KCNJ6: variants seen among roughly 807,000 people sequenced by gnomAD.
The protein encoded by KCNJ6 is potassium inwardly rectifying channel subfamily J member 6.
KCNJ6 carries 9 observed loss-of-function variants against 34.2 expected under a neutral mutation model. The observed-to-expected ratio is 0.26, with a 90% confidence interval of 0.16 to 0.46. The LOEUF (loss-of-function observed/expected upper bound fraction) is 0.46, where lower values mean the gene tolerates loss of function less well. KCNJ6 is among the 20% of genes least tolerant of loss of function. The probability of loss-of-function intolerance (pLI) is 1.00; values close to 1 mark genes in which losing one functional copy is unlikely to be tolerated. For synonymous variants in KCNJ6, 196 were observed against 207.1 expected, an observed-to-expected ratio of 0.95 and a Z score of 0.46; for missense variants, 236 against 531.3, an observed-to-expected ratio of 0.44 and a Z score of 5.46.
chr21:37,715,402 G>C (rs2054785228), intron 2 of KCNJ6, among the ~76,000 whole-genome samples: 1 of 152,204 alleles, frequency 6.6e-6, no homozygotes, highest in Admixed American at 6.5e-5. Context: ...CCTGCCAGCA[G>C]GTTCTACTGA....
At chr21:37,782,909 GGTTGCCCC>G (rs1236491223) in intron 2 of KCNJ6, among the ~76,000 whole-genome samples, 2 of 152,082 alleles carry the variant, frequency 1.3e-5, no homozygotes, top group African/African-American at 4.8e-5. Flanking sequence ...TAAATTACAT[GGTTGCCCC>G]ATCTTGACTC....
At chr21:37,753,651 CA>C (rs923552935) in intron 2 of KCNJ6, among the ~76,000 whole-genome samples, 1 of 152,304 alleles carries the variant, frequency 6.6e-6, no homozygotes, top group Admixed American at 6.5e-5. Context: ...GTTAAAAAAG[CA>C]TGCATTTGGA....
At chr21:37,698,143 G>A (rs1422274060) in intron 3 of KCNJ6, among the ~76,000 whole-genome samples, 1 of 152,218 alleles carries the variant, frequency 6.6e-6, no homozygotes, top group East Asian at 1.9e-4. Context: ...CGGGATCTCT[G>A]CTTTTGAACA....
rs144704524 is a variant in KCNJ6 at position 37,626,313 on chromosome 21, T to C, written c.947-829A>G. ...GTCCGACTAATTTTTTTTTGTATTT[T>C]AGTAGAGACGGAGTTTCATCGTGTT... On this transcript the variant is annotated intron_variant, in intron 3 of 3. Transcript: ENST00000609713. 3.5e-3 allele frequency among the ~76,000 whole-genome samples: 530 copies of C among 152,180 alleles called. 4 individuals carry two copies. The highest frequency in any genetic ancestry group is 0.012 in the African/African-American group (498 of 41,538).
intron 3 of KCNJ6, among the ~76,000 whole-genome samples, chr21:37,632,930 A>G (rs1326365317): frequency 6.6e-6 from 1 of 152,152 alleles, no homozygotes; most frequent in East Asian, 1.9e-4. Context: ...AAATCATGAT[A>G]ATTTTACATA....
chr21:37,872,585 A>G (rs189576345), intron 1 of KCNJ6, among the ~76,000 whole-genome samples: 2 of 152,256 alleles, frequency 1.3e-5, no homozygotes, highest in African/African-American at 4.8e-5. Flanking sequence ...TCTGATCATA[A>G]CTTTGCTCCC....
rs537184853 is a variant in KCNJ6 at position 37,646,875 on chromosome 21, G to A, written c.947-21391C>T. On this transcript the variant is annotated intron_variant, in intron 3 of 3. Transcript: ENST00000609713. ...TTTTAGTAGAGACGGGGTTTCACACGTGTTAGCCAAGACTGTCTCCATCTC... is the reference window on the plus strand; with the variant it reads ...TTTTAGTAGAGACGGGGTTTCACACATGTTAGCCAAGACTGTCTCCATCTC... 7.2e-5 allele frequency among the ~76,000 whole-genome samples: 11 copies of A among 152,084 alleles called. 1 individual carries two copies. The highest frequency in any genetic ancestry group is 1.9e-4 in the East Asian group (1 of 5,168).
At chr21:37,878,665 T>G (rs897483170) in intron 1 of KCNJ6, among the ~76,000 whole-genome samples, 1 of 152,340 alleles carries the variant, frequency 6.6e-6, no homozygotes, top group Middle Eastern at 3.4e-3. Flanking sequence ...TTTGCCCGGT[T>G]GAAATTTGAT....
chr21:37,880,184 G>A (rs1310232033), intron 1 of KCNJ6, among the ~76,000 whole-genome samples: 1 of 152,152 alleles, frequency 6.6e-6, no homozygotes, highest in African/African-American at 2.4e-5. Flanking sequence ...GACTGAGGCA[G>A]GAGAATTGCT....
chr21:37,902,939 G>T (rs2055823857), intron 1 of KCNJ6, among the ~76,000 whole-genome samples: 1 of 152,130 alleles, frequency 6.6e-6, no homozygotes, highest in South Asian at 2.1e-4. Context: ...CAATGCCAGG[G>T]TGTGAGAACC....
At chr21:37,800,666 T>C (rs1410064275) in intron 2 of KCNJ6, among the ~76,000 whole-genome samples, 1 of 152,202 alleles carries the variant, frequency 6.6e-6, no homozygotes, top group Admixed American at 6.5e-5. Flanking sequence ...GGGCCGCTGA[T>C]AACCCTTGAT....
chr21:37,887,089 GCTCAGCTATGGT>G, intron 1 of KCNJ6, among the ~76,000 whole-genome samples: 1 of 152,188 alleles, frequency 6.6e-6, no homozygotes, highest in Non-Finnish European at 1.5e-5. Context: ...TGCTTGGGAA[GCTCAGCTATGGT>G]CTCCTGGTGA....
intron 3 of KCNJ6, among the ~76,000 whole-genome samples, chr21:37,688,894 A>G (rs773517676): frequency 6.6e-5 from 10 of 152,226 alleles, no homozygotes; most frequent in Non-Finnish European, 1.3e-4. Context: ...AGAGGGGATG[A>G]TGGCAGTCAA....
In KCNJ6 at chr21:37,620,470, T is replaced by TC. The variant is rs200758556; in HGVS notation, c.*4688dup. The TC allele has an allele frequency of 2.0e-5, 3 of 152,242 alleles. No homozygotes were observed. The highest frequency in any genetic ancestry group is 1.9e-4 in the East Asian group (1 of 5,186). 9.4% of individuals were successfully genotyped at this position (152,242 alleles called of 1,614,324 possible). On this transcript the variant is annotated 3_prime_UTR_variant, in exon 4 of 4. Coordinates refer to ENST00000609713, the MANE Select transcript of KCNJ6 (RefSeq NM_002240.5). ...CAAAATATTCTTCTTTTCTTTTTTT[T>TC]CCCCCAATTATTAAAAAATGTAAAA...
intron 1 of KCNJ6, among the ~76,000 whole-genome samples, chr21:37,882,889 GT>G (rs1372197394): frequency 6.6e-6 from 1 of 152,276 alleles, no homozygotes; most frequent in African/African-American, 2.4e-5. Flanking sequence ...CATAGGGCTT[GT>G]GTGTGCGTGA....
rs2054321416 is a variant in KCNJ6 at position 37,628,731 on chromosome 21, GACACATCATAATC to G, written c.947-3260_947-3248del. Among the ~76,000 whole-genome samples, 11 of 152,276 alleles carry G rather than the reference GACACATCATAATC, an allele frequency of 7.2e-5. No individual in the cohort carries two copies. In the South Asian group the frequency reaches 2.1e-3, roughly 29 times the overall value. On this transcript the variant is annotated intron_variant, in intron 3 of 3. Transcript: ENST00000609713. ...GTGAACCCAAAGAGATTCACACTGA[GACACATCATAATC>G]AAACTGTTGAAACATGACGATGAAG...
chr21:37,754,167 A>G (rs2055011778), intron 2 of KCNJ6, among the ~76,000 whole-genome samples: 1 of 152,206 alleles, frequency 6.6e-6, no homozygotes, highest in Non-Finnish European at 1.5e-5. Context: ...GAGGAAGGAC[A>G]TCTTTAGGGG....
At chr21:37,763,506 C>A (rs1460952846) in intron 2 of KCNJ6, among the ~76,000 whole-genome samples, 3 of 152,116 alleles carry the variant, frequency 2.0e-5, no homozygotes, top group Non-Finnish European at 4.4e-5. Context: ...GTCATGAAGT[C>A]CTGTAGGGCC....
At chr21:37,889,130 A>C (rs2055749634) in intron 1 of KCNJ6, among the ~76,000 whole-genome samples, 1 of 152,140 alleles carries the variant, frequency 6.6e-6, no homozygotes, top group African/African-American at 2.4e-5. Context: ...TCAGATGTGA[A>C]CCACACGTGA....
Sources: allele counts gnomAD v4.1 joint callset (sites outside exome capture counted in the v4.1 genomes callset), GRCh38; gene constraint gnomAD v4.1.1; transcripts MANE v1.5; gene names NCBI Gene and HGNC (gene_info 2026-07-23, HGNC 2026-07-21).